ATP8A1: variants seen among roughly 807,000 people sequenced by gnomAD.
ATP8A1 encodes the protein phospholipid-transporting ATPase IA.
In ATP8A1, 90 loss-of-function variants were observed where a neutral mutation model predicts 177.7. The observed-to-expected ratio is 0.51, with a 90% CI of 0.43 to 0.60. The LOEUF (loss-of-function observed/expected upper bound fraction) is 0.60. Ranked by LOEUF, ATP8A1 falls within the 20% of genes least tolerant of loss-of-function variation. The pLI, the probability that ATP8A1 is intolerant of heterozygous loss-of-function variation, is 0.00. For missense variants in ATP8A1, 1,072 were observed against 1,392.8 expected (o/e 0.77, Z 3.67); for synonymous variants, 493 against 485.9 (o/e 1.01, Z -0.19).
chr4:42,573,760 T>A (rs1732141016), intron 14 of ATP8A1, among the ~76,000 whole-genome samples: 1 of 152,224 alleles, frequency 6.6e-6, no homozygotes, highest in Non-Finnish European at 1.5e-5. Context: ...TCTTTGTCAC[T>A]GGCTTACTGC....
chr4:42,560,835 A>G (rs967994779), intron 15 of ATP8A1, among the ~76,000 whole-genome samples: 13 of 152,146 alleles, frequency 8.5e-5, no homozygotes, highest in Non-Finnish European at 1.8e-4. Flanking sequence ...TTGGTGCAAA[A>G]GTAATTTGAG....
At chr4:42,515,484 AT>A (rs1725437187) in intron 22 of ATP8A1, among the ~76,000 whole-genome samples, 1 of 152,152 alleles carries the variant, frequency 6.6e-6, no homozygotes, top group African/African-American at 2.4e-5. Context: ...AGGGCACTAA[AT>A]TGTTGTTTAG....
chr4:42,418,257 T>C (rs981621350), intron 35 of ATP8A1, among the ~76,000 whole-genome samples: 1 of 152,158 alleles, frequency 6.6e-6, no homozygotes, highest in African/African-American at 2.4e-5. Context: ...AGGACTGACC[T>C]GAAGATCCTA....
intron 30 of ATP8A1, among the ~76,000 whole-genome samples, chr4:42,450,151 A>G (rs1422693454): frequency 2.6e-5 from 4 of 152,220 alleles, no homozygotes; most frequent in Non-Finnish European, 5.9e-5. Context: ...AAAATGTGGC[A>G]TATCTATACC....
At chr4:42,438,352 A>G (rs753406267) in intron 33 of ATP8A1, among the ~76,000 whole-genome samples, 3 of 152,212 alleles carry the variant, frequency 2.0e-5, no homozygotes, top group African/African-American at 4.8e-5. Flanking sequence ...CCCTTCATCA[A>G]TGGGGCCCTA....
At chr4:42,505,384 T>C (rs1724264551) in intron 23 of ATP8A1, among the ~76,000 whole-genome samples, 1 of 152,226 alleles carries the variant, frequency 6.6e-6, no homozygotes, top group Admixed American at 6.5e-5. Flanking sequence ...ATCCTGAACT[T>C]GACATTTTCC....
chr4:42,454,161 T>C (rs1337179491), intron 29 of ATP8A1, among the ~76,000 whole-genome samples: 2 of 152,194 alleles, frequency 1.3e-5, no homozygotes, highest in Non-Finnish European at 2.9e-5. Flanking sequence ...CACCAAGTTG[T>C]ATGCATGTGT....
chr4:42,514,918 G>A (rs1272451581), intron 22 of ATP8A1, among the ~76,000 whole-genome samples: 1 of 152,126 alleles, frequency 6.6e-6, no homozygotes, highest in Non-Finnish European at 1.5e-5. Context: ...ACATTTTTGA[G>A]TATACTAGGA....
intron 11 of ATP8A1, among the ~76,000 whole-genome samples, chr4:42,578,706 C>G (rs1477762917): frequency 6.6e-6 from 1 of 152,064 alleles, no homozygotes; most frequent in Non-Finnish European, 1.5e-5. Flanking sequence ...AATATAAAAT[C>G]TCAATTGGGT....
chr4:42,532,249 C>T (rs1024729184), intron 20 of ATP8A1, among the ~76,000 whole-genome samples: 41 of 152,048 alleles, frequency 2.7e-4, no homozygotes, highest in Non-Finnish European at 8.8e-5. Flanking sequence ...CACTGGGAGG[C>T]CGAGGTGGGC....
At chr4:42,623,866 T>TTC (rs907745802) in intron 4 of ATP8A1, among the ~76,000 whole-genome samples, 60 of 152,206 alleles carry the variant, frequency 3.9e-4, no homozygotes, top group African/African-American at 1.3e-3. Context: ...AAGTCTCTCC[T>TTC]TCTCTCTCTC....
chr4:42,643,339 G>A (rs952992115), intron 1 of ATP8A1, among the ~76,000 whole-genome samples: 1 of 152,166 alleles, frequency 6.6e-6, no homozygotes, highest in African/African-American at 2.4e-5. Context: ...TAAAATAAAT[G>A]TCTACAAACA....
In ATP8A1 at chr4:42,559,682, G is replaced by A. The variant is rs926128394; in HGVS notation, c.1341-3642C>T. Reference sequence around the variant, plus strand: ...TTATACTTTGCAGTACTTGTTTTTTGTTTTGATTTTTGAGACAGGGTCTCA... The same window carrying A: ...TTATACTTTGCAGTACTTGTTTTTTATTTTGATTTTTGAGACAGGGTCTCA... On this transcript the variant is annotated intron_variant, in intron 15 of 36. Coordinates refer to ENST00000381668, the MANE Select transcript of ATP8A1 (RefSeq NM_006095.2). Among the ~76,000 whole-genome samples the A allele has an allele frequency of 5.6e-4, 85 of 152,090 alleles. 1 individual carries two copies. Among genetic ancestry groups the A allele is most frequent in the South Asian group, 1.5e-3 (7 of 4,814 alleles).
intron 33 of ATP8A1, among the ~76,000 whole-genome samples, chr4:42,431,448 C>T (rs1414586527): frequency 1.3e-5 from 2 of 152,142 alleles, no homozygotes; most frequent in Non-Finnish European, 2.9e-5. Flanking sequence ...AAATATTTCT[C>T]TCATTTTTGT....
chr4:42,613,737 C>T (rs1021684741), intron 5 of ATP8A1, among the ~76,000 whole-genome samples: 3 of 152,064 alleles, frequency 2.0e-5, no homozygotes, highest in African/African-American at 7.2e-5. Context: ...GCGCCTGCCA[C>T]CACGCCCAAC....
At chr4:42,504,366 C>T (rs1261843462) in intron 23 of ATP8A1, among the ~76,000 whole-genome samples, 1 of 152,236 alleles carries the variant, frequency 6.6e-6, no homozygotes, top group African/African-American at 2.4e-5. Flanking sequence ...ACTCCTCCAG[C>T]CCCCATCAAG....
intron 1 of ATP8A1, among the ~76,000 whole-genome samples, chr4:42,656,140 T>A (rs1741590674): frequency 6.6e-6 from 1 of 152,146 alleles, no homozygotes; most frequent in Non-Finnish European, 1.5e-5. Flanking sequence ...TTGCTCAGTG[T>A]TGACAACCAT....
At chr4:42,489,502 G>T (rs527470933) in intron 24 of ATP8A1, among the ~76,000 whole-genome samples, 71 of 152,308 alleles carry the variant, frequency 4.7e-4, no homozygotes, top group South Asian at 2.5e-3. Flanking sequence ...TTCAGAAGGT[G>T]AGTCAAAAAC....
intron 5 of ATP8A1, among the ~76,000 whole-genome samples, chr4:42,610,907 C>T (rs1056710013): frequency 2.6e-5 from 4 of 152,120 alleles, no homozygotes; most frequent in African/African-American, 9.7e-5. Context: ...GGGGGTACCT[C>T]CAGAGAGACA....
Sources: gnomAD v4.1 joint callset for allele counts (sites outside exome capture counted in the v4.1 genomes callset) on GRCh38, gnomAD v4.1.1 for gene constraint, MANE v1.5 for transcripts, NCBI Gene and HGNC (gene_info 2026-07-23, HGNC 2026-07-21) for gene names.